Variants in NSD3 observed in about 807,000 individuals in gnomAD.
The protein encoded by NSD3 is nuclear receptor binding SET domain protein 3, also known as histone-lysine N-methyltransferase NSD3.
A neutral mutation model predicts 160.8 loss-of-function variants in NSD3; 24 were observed. The ratio of observed to expected loss-of-function variants is 0.15; its 90% CI spans 0.11 to 0.21. NSD3 has a LOEUF of 0.21. Among genes scored for constraint, NSD3 ranks in the 10% least tolerant of loss-of-function variants. The pLI is 1.00. For missense variants in NSD3, 1,157 were observed against 1,735.9 expected (o/e 0.67, Z 5.93); for synonymous variants, 520 against 600.0 (o/e 0.87, Z 1.95).
At position 38,288,802 on chromosome 8, in the gene NSD3, T is replaced by C. The variant is rs767480370; in HGVS notation, c.3232-46A>G. 4 of 1,595,224 alleles carry C rather than the reference T, an allele frequency of 2.5e-6. No homozygotes were observed. In the South Asian group the frequency reaches 4.6e-5, roughly 18 times the overall value. The stretch of plus-strand genomic sequence containing the variant: ...CGAGAGAGAGGCAGCAGGTAAGTCA[T>C]CTGGCAATGTGAACAGGAACATCTA... On this transcript the variant is annotated intron_variant, in intron 18 of 23. Coordinates refer to ENST00000317025, the MANE Select transcript of NSD3 (RefSeq NM_023034.2). The surrounding 1 kb of genome is among the most constrained non-coding windows in gnomAD (Gnocchi z 4.5).
chr8:38,289,643 C>G, intron 17 of NSD3, 138 bp from the exon 18 acceptor site: 2 of 735,392 alleles, frequency 2.7e-6, no homozygotes, highest in Non-Finnish European at 4.4e-6. Flanking sequence ...CTGGAAGTTA[C>G]TGTTTACCAC....
intron 1 of NSD3, among the ~76,000 whole-genome samples, chr8:38,376,314 G>GA (rs1199783694): frequency 6.6e-6 from 1 of 152,010 alleles, no homozygotes; most frequent in East Asian, 1.9e-4. Context: ...AATAAAATAT[G>GA]AAAAAATACA....
intron 16 of NSD3, among the ~76,000 whole-genome samples, chr8:38,294,755 A>G (rs897042912): frequency 2.0e-5 from 3 of 152,032 alleles, no homozygotes; most frequent in African/African-American, 7.2e-5. Context: ...AGGCAGGAGG[A>G]TCGCTTGAGC....
chr8:38,304,884 C>T (rs747466), intron 13 of NSD3, 127 bp from the exon 14 acceptor site: 1 of 974,718 alleles, frequency 1.0e-6, no homozygotes, highest in Non-Finnish European at 1.5e-6. Context: ...GCATTTTTTT[C>T]TTCCCTAGTC....
rs1482129815 is a variant in NSD3 at position 38,318,368 on chromosome 8, T to A, written c.1855+527A>T. On this transcript the variant is annotated intron_variant, in intron 9 of 23. Coordinates refer to ENST00000317025, the MANE Select transcript of NSD3 (RefSeq NM_023034.2). The surrounding 1 kb of genome is among the most constrained non-coding windows in gnomAD (Gnocchi z 5.3). ...ATACAGATATAAGTTTAAGCTTTCTTAAACTTTGTGCATATCTCAAATAGA... is the reference window on the plus strand; with the variant it reads ...ATACAGATATAAGTTTAAGCTTTCTAAAACTTTGTGCATATCTCAAATAGA... Among the ~76,000 whole-genome samples the A allele has an allele frequency of 6.6e-6, 1 of 152,224 alleles. No homozygotes were observed. Among genetic ancestry groups the A allele is most frequent in the African/African-American group, 2.4e-5 (1 of 41,464 alleles).
intron 2 of NSD3, among the ~76,000 whole-genome samples, chr8:38,345,139 T>C (rs1440974300): frequency 6.6e-6 from 1 of 151,790 alleles, no homozygotes; most frequent in Non-Finnish European, 1.5e-5. Context: ...ACAGTTCCAA[T>C]TAATCAAAAT....
chr8:38,355,464 T>C (rs189206045), intron 1 of NSD3, among the ~76,000 whole-genome samples: 29 of 150,970 alleles, frequency 1.9e-4, no homozygotes, highest in African/African-American at 6.3e-4. Context: ...TTTAGCAAGA[T>C]AATGTAAGAT....
In NSD3 at chr8:38,329,811, C is replaced by G. The variant is rs2234552; in HGVS notation, c.1148G>C (p.Arg383Pro). Residue 383 changes from arginine (R) to proline (P), a missense_variant, in exon 6 of 24, where the codon CGA becomes CCA. Arg to Pro is a moderately radical substitution (Grantham distance 103). Transcript: ENST00000317025. This position sits in a 1 kb window ranked among gnomAD's most constrained non-coding sequence, Gnocchi z 4.8. ...AHAEKALKMT[R>P]EERIEQYTFI... The stretch of plus-strand genomic sequence containing the variant: ...AGTATACTGTTCTATTCTTTCTTCT[C>G]GAGTCATTTTCAATGCTTTCTCTGC... 5.4e-4 allele frequency: 871 copies of G among 1,613,708 alleles called. 7 individuals carry two copies. The African/African-American group carries it at 0.011, about 20-fold the overall frequency.
At chr8:38,376,223 AAC>A (rs764852046) in intron 1 of NSD3, among the ~76,000 whole-genome samples, 1 of 152,286 alleles carries the variant, frequency 6.6e-6, no homozygotes, top group Admixed American at 6.5e-5. Context: ...TTCATACAAA[AAC>A]ACACACCTCA....
chr8:38,292,280 T>G (rs1809014311), intron 16 of NSD3, among the ~76,000 whole-genome samples: 1 of 152,222 alleles, frequency 6.6e-6, no homozygotes. Context: ...AGTAGAAAAG[T>G]GAAAATGCCT....
Position 38,348,194 on chromosome 8 carries a change from C to T in NSD3, c.-23G>A. ...CATTGTTCTGCTCCAGCATCCTTAA[C>T]TTTCCCTTTCTCTCATCGGGCCTAA... On this transcript the variant is annotated 5_prime_UTR_variant, in exon 2 of 24. Coordinates refer to ENST00000317025, the MANE Select transcript of NSD3 (RefSeq NM_023034.2). 3 of 1,535,328 alleles carry T rather than the reference C, an allele frequency of 2.0e-6. No individual in the cohort carries two copies. The highest frequency in any genetic ancestry group is 1.3e-5 in the South Asian group (1 of 77,290).
At position 38,317,176 on chromosome 8, in the gene NSD3, G is replaced by A; in HGVS notation, c.1856-1134C>T. The A allele has an allele frequency of 9.4e-7, 1 of 1,063,338 alleles. No homozygotes were observed. The highest frequency in any genetic ancestry group is 1.1e-6 in the Non-Finnish European group (1 of 877,844). The allele number at this position is 1,063,338 out of a possible 1,614,324, so 65.9% of individuals were successfully genotyped here. A position where few individuals can be genotyped will look rare whatever the true frequency, so the allele number is the denominator to read the frequency against. The stretch of plus-strand genomic sequence containing the variant: ...TTGGAACATAGCCACGTTCTGTGGT[G>A]GAGGAGGTGGGCCTCGTTAGACTGC... On this transcript the variant is annotated intron_variant, in intron 9 of 23. Coordinates refer to ENST00000317025, the MANE Select transcript of NSD3 (RefSeq NM_023034.2). The surrounding 1 kb of genome is among the most constrained non-coding windows in gnomAD (Gnocchi z 5.3).
intron 19 of NSD3, among the ~76,000 whole-genome samples, chr8:38,287,712 G>T (rs570710927): frequency 2.8e-4 from 43 of 151,696 alleles, no homozygotes; most frequent in African/African-American, 9.7e-4. Flanking sequence ...GAGTGCGGTG[G>T]CACGATCTCA....
intron 1 of NSD3, among the ~76,000 whole-genome samples, chr8:38,373,934 C>CAAAAA (rs61532119): frequency 8.8e-4 from 22 of 24,988 alleles, no homozygotes; most frequent in Non-Finnish European, 1.1e-3. Context: ...TCTGTCTCTA[C>CAAAAA]AAAAAAAAAA....
intron 14 of NSD3, 112 bp from the exon 15 acceptor site, chr8:38,299,702 C>T (rs890174718): frequency 3.8e-6 from 4 of 1,058,814 alleles, no homozygotes; most frequent in African/African-American, 3.3e-5. Flanking sequence ...GTGGGGAGGG[C>T]GAAAATGAGA....
Position 38,347,533 on chromosome 8 carries a change from T to A in NSD3, c.639A>T (p.Ser213=), listed in dbSNP as rs746056435. The change falls in exon 2 of 24, where the codon TCA becomes TCT. Residue 213 remains serine, a synonymous_variant. Coordinates refer to ENST00000317025, the MANE Select transcript of NSD3 (RefSeq NM_023034.2). ...HDSSRSEERK[S]HKIPKLEPEE... is the part of the protein sequence containing the mutation. ...CTGGTTCTAATTTGGGGATTTTGTGTGACTTGCGCTCTTCAGATCTTGATG... is the reference window on the plus strand; with the variant it reads ...CTGGTTCTAATTTGGGGATTTTGTGAGACTTGCGCTCTTCAGATCTTGATG... 6.3e-7 allele frequency: 1 copy of A among 1,586,054 alleles called. No homozygotes were observed. Among genetic ancestry groups the A allele is most frequent in the South Asian group, 1.2e-5 (1 of 86,022 alleles).
intron 1 of NSD3, among the ~76,000 whole-genome samples, chr8:38,349,386 G>A (rs1462175017): frequency 6.6e-6 from 1 of 150,908 alleles, no homozygotes; most frequent in Non-Finnish European, 1.5e-5. Flanking sequence ...GTCTTGCTAT[G>A]TTGCCCAGGT....
At chr8:38,325,785 A>G (rs1345817474) in intron 7 of NSD3, among the ~76,000 whole-genome samples, 2 of 151,812 alleles carry the variant, frequency 1.3e-5, no homozygotes, top group Non-Finnish European at 2.9e-5. Flanking sequence ...TGAGCCTGGG[A>G]GGTCGAGGCT....
intron 4 of NSD3, among the ~76,000 whole-genome samples, chr8:38,334,538 A>G (rs781578785): frequency 4.3e-4 from 65 of 152,146 alleles, no homozygotes; most frequent in Non-Finnish European, 7.8e-4. Context: ...GCAGATCACA[A>G]GGTCAGGAGT....
Sources: allele counts gnomAD v4.1 joint callset (sites outside exome capture counted in the v4.1 genomes callset), GRCh38; gene constraint gnomAD v4.1.1; non-coding constraint Gnocchi (gnomAD v3.1); transcripts MANE v1.5; gene names NCBI Gene and HGNC (gene_info 2026-07-23, HGNC 2026-07-21).